The following ZNF608 variants were observed in gnomAD, a reference collection of about 807,000 sequenced individuals.
The protein encoded by ZNF608 is zinc finger protein 608.
ZNF608 carries 12 observed loss-of-function variants against 109.0 expected under a neutral mutation model. That is an observed-to-expected ratio of 0.11 (90% CI 0.07 to 0.18). ZNF608 has a LOEUF of 0.18. ZNF608 is among the 10% of genes least tolerant of loss of function. ZNF608 has a pLI of 1.00. For synonymous variants in ZNF608, 732 were observed against 717.4 expected, an observed-to-expected ratio of 1.02 and a Z score of -0.33; for missense variants, 1,707 against 1,879.3, an observed-to-expected ratio of 0.91 and a Z score of 1.70.
chr5:124,685,262 T>A (rs775406647), intron 3 of ZNF608, among the ~76,000 whole-genome samples: 4 of 151,072 alleles, frequency 2.6e-5, no homozygotes, highest in Admixed American at 6.6e-5. Context: ...AATCTTATTA[T>A]GCCTACCAAC....
intron 5 of ZNF608, 96 bp downstream of exon 5, chr5:124,646,583 T>C (rs1750517575): frequency 6.9e-7 from 1 of 1,446,876 alleles, no homozygotes. Context: ...TGGGTTTCTT[T>C]CCTGTGTCAG....
At chr5:124,666,408 C>G (rs905779225) in intron 3 of ZNF608, 1 of 152,218 alleles carries the variant, frequency 6.6e-6, no homozygotes, top group Admixed American at 6.5e-5. Flanking sequence ...ATAGGCACTT[C>G]CCTTGTACTA....
chr5:124,668,195 A>AATATATATATATATATATATATATTAT, intron 3 of ZNF608, among the ~76,000 whole-genome samples: 1 of 135,678 alleles, frequency 7.4e-6, no homozygotes, highest in South Asian at 2.3e-4. Flanking sequence ...TATGCTTAAA[A>AATATATATATATATATATATATATTAT]ATATATATAT....
chr5:124,730,339 A>G (rs527678853), intron 2 of ZNF608, among the ~76,000 whole-genome samples: 21 of 152,336 alleles, frequency 1.4e-4, no homozygotes, highest in South Asian at 6.2e-4. Flanking sequence ...TTAAGACCCA[A>G]TATACTTACA....
At chr5:124,732,274 A>C (rs1748941664) in intron 2 of ZNF608, among the ~76,000 whole-genome samples, 1 of 152,220 alleles carries the variant, frequency 6.6e-6, no homozygotes, top group Non-Finnish European at 1.5e-5. Context: ...GGGCTTTTTC[A>C]TGGCATGCAT....
chr5:124,694,463 T>A (rs1752760592), intron 3 of ZNF608, among the ~76,000 whole-genome samples: 1 of 152,110 alleles, frequency 6.6e-6, no homozygotes, highest in Non-Finnish European at 1.5e-5. Flanking sequence ...ACTATTTGGG[T>A]TGCCTTTTCC....
At chr5:124,659,309 G>A (rs569499787) in intron 3 of ZNF608, among the ~76,000 whole-genome samples, 10 of 152,164 alleles carry the variant, frequency 6.6e-5, no homozygotes, top group East Asian at 1.9e-4. Flanking sequence ...ACCAAAAGAC[G>A]AGTACTCTAG....
At chr5:124,745,241 T>C (rs942352223) in intron 1 of ZNF608, 69 bp from the exon 2 acceptor site, 36 of 1,316,590 alleles carry the variant, frequency 2.7e-5, no homozygotes, top group South Asian at 2.4e-4. Flanking sequence ...ACGATTAGTA[T>C]TGGGGAATCA....
intron 2 of ZNF608, among the ~76,000 whole-genome samples, chr5:124,702,980 A>G (rs962837585): frequency 2.0e-5 from 3 of 151,738 alleles, no homozygotes; most frequent in Non-Finnish European, 2.9e-5. Context: ...TTAAGGGGGG[A>G]AAAAAAACAA....
At chr5:124,745,676 T>C (rs1749614041) in intron 1 of ZNF608, among the ~76,000 whole-genome samples, 1 of 152,218 alleles carries the variant, frequency 6.6e-6, no homozygotes, top group African/African-American at 2.4e-5. Flanking sequence ...AAATTTTCCT[T>C]ATTTCTAATT....
At chr5:124,714,619 C>T (rs1318417467) in intron 2 of ZNF608, among the ~76,000 whole-genome samples, 1 of 152,146 alleles carries the variant, frequency 6.6e-6, no homozygotes, top group African/African-American at 2.4e-5. Flanking sequence ...ATAGTATTAC[C>T]TAATTGTATT....
At chr5:124,671,516 C>T (rs940201624) in intron 3 of ZNF608, among the ~76,000 whole-genome samples, 2 of 152,172 alleles carry the variant, frequency 1.3e-5, no homozygotes, top group Non-Finnish European at 1.5e-5. Context: ...TGTGTCTACC[C>T]ACACAATACC....
intron 2 of ZNF608, among the ~76,000 whole-genome samples, chr5:124,741,478 T>C (rs1749398709): frequency 6.8e-6 from 1 of 147,724 alleles, no homozygotes; most frequent in Non-Finnish European, 1.5e-5. Flanking sequence ...ACGAGCCACA[T>C]CTGATTGCTG....
chr5:124,653,859 C>A (rs145059896), intron 3 of ZNF608, among the ~76,000 whole-genome samples: 1 of 152,156 alleles, frequency 6.6e-6, no homozygotes, highest in East Asian at 1.9e-4. Flanking sequence ...GTTCCAAGGG[C>A]GCAATAGCTA....
chr5:124,666,076 T>C (rs1368318985), intron 3 of ZNF608, among the ~76,000 whole-genome samples: 1 of 152,212 alleles, frequency 6.6e-6, no homozygotes, highest in Non-Finnish European at 1.5e-5. Flanking sequence ...AAATAGACAA[T>C]GAAGGTTAGG....
rs1181627089 is a variant in ZNF608 at position 124,746,315 on chromosome 5, C to T, written c.-304G>A. 1.0e-6 allele frequency: 1 copy of T among 985,200 alleles called. No homozygotes were observed. Among genetic ancestry groups the T allele is most frequent in the African/African-American group, 1.7e-5 (1 of 57,186 alleles). The allele number at this position is 985,200 out of a possible 1,614,324, so 61.0% of individuals were successfully genotyped here. A position where few individuals can be genotyped will look rare whatever the true frequency, so the allele number is the denominator to read the frequency against. ...CACCAAATGATCAAGAAGGAAGAAA[C>T]CAAATAACACATCTCAGCCAGAATA... On this transcript the variant is annotated 5_prime_UTR_variant, in exon 1 of 10. Transcript: ENST00000513986.
intron 3 of ZNF608, among the ~76,000 whole-genome samples, chr5:124,652,104 C>G (rs1329067159): frequency 6.6e-6 from 1 of 152,214 alleles, no homozygotes; most frequent in Non-Finnish European, 1.5e-5. Context: ...AAGGAAGGGA[C>G]CCAGGGCAGG....
chr5:124,668,497 G>A (rs989281209), intron 3 of ZNF608, among the ~76,000 whole-genome samples: 16 of 151,790 alleles, frequency 1.1e-4, no homozygotes, highest in South Asian at 2.1e-4. Flanking sequence ...GCCCAGAGAG[G>A]TTAAATGGCT....
chr5:124,642,471 C>A (rs932954042), intron 7 of ZNF608, among the ~76,000 whole-genome samples: 1 of 152,064 alleles, frequency 6.6e-6, no homozygotes, highest in African/African-American at 2.4e-5. Flanking sequence ...TGATGAACCC[C>A]CAACCATGAA....
Sources: gnomAD v4.1 joint callset for allele counts (sites outside exome capture counted in the v4.1 genomes callset) on GRCh38, gnomAD v4.1.1 for gene constraint, MANE v1.5 for transcripts, NCBI Gene and HGNC (gene_info 2026-07-23, HGNC 2026-07-21) for gene names.